The following CMYA5 variants were observed in gnomAD, a reference collection of about 807,000 sequenced individuals.
The protein encoded by CMYA5 is cardiomyopathy associated 5.
Under a neutral mutation model 318.9 loss-of-function variants are expected in CMYA5, and 246 were observed. The ratio of observed to expected loss-of-function variants is 0.77; its 90% CI spans 0.70 to 0.86. CMYA5 has a LOEUF of 0.86. CMYA5 is among the 40% of genes least tolerant of loss of function. CMYA5 has a pLI of 0.00. For synonymous variants in CMYA5, 1,641 were observed against 1,729.5 expected (o/e 0.95, Z 1.27); for missense variants, 4,589 against 4,678.2 (o/e 0.98, Z 0.56).
intron 9 of CMYA5, 113 bp downstream of exon 9, chr5:79,763,322 G>A: frequency 1.0e-6 from 1 of 970,274 alleles, no homozygotes; most frequent in Non-Finnish European, 1.5e-6. Flanking sequence ...CTAAAATCCT[G>A]CTGAGCTAAT....
Position 79,738,735 on chromosome 5 carries a change from C to T in CMYA5, c.9970C>T (p.Pro3324Ser), listed in dbSNP as rs371235407. 2.2e-5 allele frequency: 36 copies of T among 1,613,770 alleles called. No individual in the cohort carries two copies. The highest frequency in any genetic ancestry group is 2.9e-5 in the Non-Finnish European group (34 of 1,179,872). Reference sequence around the variant, plus strand: ...TAACGTAGCGATGCAGAAGAAAGCTCCCATCACAGAGGACGTCAGAGTGGC... The same window carrying T: ...TAACGTAGCGATGCAGAAGAAAGCTTCCATCACAGAGGACGTCAGAGTGGC... ...VGNVAMQKKA[P>S]ITEDVRVATQ... The change falls in exon 2 of 13, where the codon CCC (proline) becomes TCC (serine). Residue 3324 changes from proline to serine, a missense_variant. By Grantham distance (74) the Pro-to-Ser change is moderately conservative. Around this residue, in one of 3 missense-constraint regions of CMYA5, gnomAD observed 2,431 missense variants for 2,495.1 expected, o/e 0.97. Coordinates refer to ENST00000446378, the MANE Select transcript of CMYA5 (RefSeq NM_153610.5).
intron 9 of CMYA5, among the ~76,000 whole-genome samples, chr5:79,768,414 G>A (rs371431537): frequency 6.7e-6 from 1 of 148,774 alleles, no homozygotes; most frequent in Non-Finnish European, 1.5e-5. Flanking sequence ...TTACAATTTG[G>A]TATGTTTTTG....
intron 1 of CMYA5, among the ~76,000 whole-genome samples, chr5:79,703,485 C>T (rs977610522): frequency 6.6e-6 from 1 of 152,176 alleles, no homozygotes; most frequent in Non-Finnish European, 1.5e-5. Context: ...CCTTTGAGAT[C>T]GTATCACTGT....
intron 2 of CMYA5, among the ~76,000 whole-genome samples, chr5:79,741,367 C>G (rs1281607855): frequency 6.6e-6 from 1 of 152,180 alleles, no homozygotes; most frequent in Admixed American, 6.5e-5. Context: ...ACGCATACTG[C>G]TTGGCTCAGT....
In CMYA5 at chr5:79,736,731, A is replaced by G; in HGVS notation, c.7966A>G (p.Asn2656Asp). The change falls in exon 2 of 13, where the codon AAT (asparagine) becomes GAT (aspartate). Residue 2656 changes from asparagine to aspartate, a missense_variant. By Grantham distance (23) the Asn-to-Asp change is conservative. Coordinates refer to ENST00000446378, the MANE Select transcript of CMYA5 (RefSeq NM_153610.5). ...GAACCACTCTTTATCTCAGGAAGGA[A>G]ATCTAGTATTAGAAAAGTCAAGCAG... ...IENHSLSQEGNLVLEKSSRDM... is the reference protein window; with the variant it reads ...IENHSLSQEGDLVLEKSSRDM... 1 of 1,613,250 alleles carries G rather than the reference A, an allele frequency of 6.2e-7. No homozygotes were observed.
Position 79,732,383 on chromosome 5 carries a change from G to A in CMYA5, c.3618G>A (p.Lys1206=), listed in dbSNP as rs1827934000. Residue 1206 remains lysine (K), a synonymous_variant, in exon 2 of 13, where the codon AAG becomes AAA. Coordinates refer to ENST00000446378, the MANE Select transcript of CMYA5 (RefSeq NM_153610.5). ...AGATGGCTTTGTCAAAAGTCAGAAA[G>A]GAAGAAATTGTGCCTGATTCTCAAG... ...DEQMALSKVR[K]EEIVPDSQEA... 1 of 1,613,756 alleles carries A rather than the reference G, an allele frequency of 6.2e-7. No individual in the cohort carries two copies. Among genetic ancestry groups the A allele is most frequent in the Non-Finnish European group, 8.5e-7 (1 of 1,179,816 alleles).
intron 1 of CMYA5, among the ~76,000 whole-genome samples, chr5:79,723,132 A>T (rs1827674032): frequency 6.6e-6 from 1 of 152,088 alleles, no homozygotes; most frequent in South Asian, 2.1e-4. Context: ...AACCTGACAA[A>T]CACATTATAG....
chr5:79,785,680 G>C (rs957198185), intron 9 of CMYA5, among the ~76,000 whole-genome samples: 1 of 151,592 alleles, frequency 6.6e-6, no homozygotes, highest in Non-Finnish European at 1.5e-5. Context: ...GATTTTCTTG[G>C]GTTCTCTAGA....
At chr5:79,713,779 T>C (rs1037770536) in intron 1 of CMYA5, among the ~76,000 whole-genome samples, 1 of 152,178 alleles carries the variant, frequency 6.6e-6, no homozygotes, top group Non-Finnish European at 1.5e-5. Context: ...TACTTCCTAC[T>C]TGGAATAAAT....
Position 79,733,230 on chromosome 5 carries a change from GC to G in CMYA5, c.4466del (p.Ala1489GlufsTer3). The G allele has an allele frequency of 6.2e-7, 1 of 1,613,682 alleles. No homozygotes were observed. Among genetic ancestry groups the G allele is most frequent in the Non-Finnish European group, 8.5e-7 (1 of 1,179,812 alleles). Reference sequence around the variant, plus strand: ...TCAGCATTCAGATAAATCTGAGGAAGCAAGGGTAGAAGACAAACAAGATCTT... The same window carrying G: ...TCAGCATTCAGATAAATCTGAGGAAGAAGGGTAGAAGACAAACAAGATCTT... Reference protein sequence around the residue: ...SSQHSDKSEEARVEDKQDLLF... With the variant: ...SSQHSDKSEEXRVEDKQDLLF... On this transcript the variant is annotated frameshift_variant, in exon 2 of 13. Coordinates refer to ENST00000446378, the MANE Select transcript of CMYA5 (RefSeq NM_153610.5). LOFTEE classifies it high-confidence loss of function.
At chr5:79,775,878 CA>C in intron 9 of CMYA5, among the ~76,000 whole-genome samples, 1 of 152,216 alleles carries the variant, frequency 6.6e-6, no homozygotes, top group African/African-American at 2.4e-5. Context: ...CTAGAGAATC[CA>C]GAGGAATGAA....
intron 9 of CMYA5, among the ~76,000 whole-genome samples, chr5:79,786,989 TA>T (rs767322050): frequency 6.6e-6 from 1 of 152,238 alleles, no homozygotes; most frequent in Non-Finnish European, 1.5e-5. Flanking sequence ...TTGACTTCAG[TA>T]CCATGTAAAC....
rs1282948127 is a variant in CMYA5 at position 79,717,884 on chromosome 5, AT to A, written c.150-11009del. Among the ~76,000 whole-genome samples the A allele has an allele frequency of 3.3e-3, 299 of 91,754 alleles. 14 individuals carry two copies. Among genetic ancestry groups the A allele is most frequent in the African/African-American group, 5.5e-3 (87 of 15,734 alleles). 60.2% of individuals were successfully genotyped at this position (91,754 alleles called of 152,430 possible). Reference sequence around the variant, plus strand: ...ATAAAAGTTCCTTTTAACCTAAGCTATTTTTTTTTTTTTTTTTTTTTTGAGA... The same window carrying A: ...ATAAAAGTTCCTTTTAACCTAAGCTATTTTTTTTTTTTTTTTTTTTTGAGA... On this transcript the variant is annotated intron_variant, in intron 1 of 12. Coordinates refer to ENST00000446378, the MANE Select transcript of CMYA5 (RefSeq NM_153610.5).
intron 5 of CMYA5, among the ~76,000 whole-genome samples, chr5:79,749,081 G>A (rs1289159039): frequency 6.6e-6 from 1 of 152,110 alleles, no homozygotes; most frequent in African/African-American, 2.4e-5. Flanking sequence ...CTTCGGTTTT[G>A]TGCTTAAATA....
chr5:79,787,583 C>T (rs1829103077), intron 9 of CMYA5, among the ~76,000 whole-genome samples: 1 of 152,178 alleles, frequency 6.6e-6, no homozygotes. Flanking sequence ...TATCTAAGGA[C>T]AGTCCTCTCC....
At chr5:79,727,075 C>A (rs1827764645) in intron 1 of CMYA5, among the ~76,000 whole-genome samples, 1 of 151,868 alleles carries the variant, frequency 6.6e-6, no homozygotes, top group African/African-American at 2.4e-5. Flanking sequence ...ACCACCACAC[C>A]CAGCTAATTT....
intron 1 of CMYA5, among the ~76,000 whole-genome samples, chr5:79,726,908 G>GTTTTTTTTT (rs1561203799): frequency 2.9e-5 from 3 of 104,858 alleles, no homozygotes; most frequent in African/African-American, 1.9e-4. Context: ...TTAGGCCAGT[G>GTTTTTTTTT]ATTTTTTTTT....
At chr5:79,724,279 G>A (rs12656704) in intron 1 of CMYA5, among the ~76,000 whole-genome samples, 2 of 151,978 alleles carry the variant, frequency 1.3e-5, no homozygotes, top group African/African-American at 4.8e-5. Context: ...AGCCGAGATC[G>A]CACCATAAAC....
rs755707378 is a variant in CMYA5, at chr5:79,763,130, C to G, written c.11476C>G (p.Arg3826Gly). 6.3e-7 allele frequency: 1 copy of G among 1,599,424 alleles called. No homozygotes were observed. The highest frequency in any genetic ancestry group is 1.4e-5 in the African/African-American group (1 of 70,652). ...TTGGAACACAGCCACTATCCGATGG[C>G]GGCCCACCACCCCAGAGGCCACGGA... ...VCWNTATIRW[R>G]PTTPEATETY... Residue 3826 changes from arginine to glycine, a missense_variant, in exon 9 of 13, where the codon CGG becomes GGG. By Grantham distance (125) the Arg-to-Gly change is moderately radical (BLOSUM62 -2). Coordinates refer to ENST00000446378, the MANE Select transcript of CMYA5 (RefSeq NM_153610.5).
Sources: allele counts gnomAD v4.1 joint callset (sites outside exome capture counted in the v4.1 genomes callset), GRCh38; gene constraint gnomAD v4.1.1; regional missense constraint gnomAD v4.1.1; transcripts MANE v1.5; gene names NCBI Gene and HGNC (gene_info 2026-07-23, HGNC 2026-07-21).